The following RPSA2 variants were observed in gnomAD, a reference collection of about 807,000 sequenced individuals.
RPSA2 encodes the protein ribosomal protein SA 2.
At chr19:23,848,860 T>C in the RPSA2 span, among the ~76,000 whole-genome samples, 3 of 152,368 alleles carry the variant, frequency 2.0e-5, no homozygotes, top group East Asian at 5.8e-4. Context: ...TTGAATAGAT[T>C]GGTGTAATGC....
the RPSA2 span, among the ~76,000 whole-genome samples, chr19:23,870,435 A>G: frequency 6.6e-6 from 1 of 152,144 alleles, no homozygotes; most frequent in African/African-American, 2.4e-5. Context: ...ACCAACTTAG[A>G]ATATAACCAA....
chr19:23,801,667 A>G, the RPSA2 span, among the ~76,000 whole-genome samples: 1 of 152,196 alleles, frequency 6.6e-6, no homozygotes, highest in Admixed American at 6.5e-5. Context: ...TATAAGTTAA[A>G]CCAATAATAA....
At chr19:23,837,100 T>TTA in the RPSA2 span, among the ~76,000 whole-genome samples, 1 of 152,196 alleles carries the variant, frequency 6.6e-6, no homozygotes, top group Non-Finnish European at 1.5e-5. Flanking sequence ...CTTCCAGAGT[T>TTA]TTTATAGTTT....
At chr19:23,806,708 C>A in the RPSA2 span, among the ~76,000 whole-genome samples, 1 of 145,974 alleles carries the variant, frequency 6.9e-6, no homozygotes, top group Non-Finnish European at 1.5e-5. Context: ...TCACTTGAAC[C>A]TTGAAGGCAG....
chr19:23,855,549 G>T, the RPSA2 span, among the ~76,000 whole-genome samples: 3 of 152,292 alleles, frequency 2.0e-5, no homozygotes, highest in South Asian at 2.1e-4. Flanking sequence ...CATAATAAGC[G>T]TTGGGTGGAA....
chr19:23,786,433 T>G, the RPSA2 span, among the ~76,000 whole-genome samples: 1 of 152,160 alleles, frequency 6.6e-6, no homozygotes, highest in Non-Finnish European at 1.5e-5. Flanking sequence ...CCTCGGTGAT[T>G]TGACTCTTCT....
the RPSA2 span, among the ~76,000 whole-genome samples, chr19:23,810,250 C>G: frequency 6.6e-6 from 1 of 151,808 alleles, no homozygotes; most frequent in East Asian, 1.9e-4. Flanking sequence ...AAAAATTAGC[C>G]GGGCGTGGTG....
the RPSA2 span, among the ~76,000 whole-genome samples, chr19:23,830,666 G>C: frequency 6.7e-6 from 1 of 149,480 alleles, no homozygotes; most frequent in Non-Finnish European, 1.5e-5. Context: ...TTTTGTTCTT[G>C]TCCTCATTTT....
the RPSA2 span, chr19:23,823,892 C>G: frequency 1.3e-5 from 2 of 152,224 alleles, no homozygotes; most frequent in Non-Finnish European, 2.9e-5. Context: ...TCTCTCCTGG[C>G]TTGGGGTCTC....
At chr19:23,790,086 A>G in the RPSA2 span, among the ~76,000 whole-genome samples, 100 of 151,696 alleles carry the variant, frequency 6.6e-4, no homozygotes, top group African/African-American at 2.2e-3. Context: ...TGCAACCTCT[A>G]CCTCCCGGGT....
chr19:23,761,052 G>GTATATATA, the RPSA2 span, among the ~76,000 whole-genome samples: 289 of 148,044 alleles, frequency 2.0e-3, 1 homozygote, highest in African/African-American at 5.4e-3. Flanking sequence ...GTATATATGT[G>GTATATATA]TATATATATA....
chr19:23,870,031 G>A, the RPSA2 span, among the ~76,000 whole-genome samples: 23 of 152,112 alleles, frequency 1.5e-4, no homozygotes, highest in South Asian at 1.0e-3. Flanking sequence ...TTGATATTTG[G>A]GTCACATTCC....
the RPSA2 span, chr19:23,817,913 A>G: frequency 2.6e-5 from 4 of 152,322 alleles, no homozygotes; most frequent in East Asian, 7.7e-4. Context: ...CAGAACAGAG[A>G]AACTGGAGTT....
At chr19:23,779,291 C>T in the RPSA2 span, among the ~76,000 whole-genome samples, 148,685 of 152,028 alleles carry the variant, frequency 0.98, 72,799 homozygotes, top group Middle Eastern at 1. Flanking sequence ...TGAGCCACTG[C>T]GCCCGGCCAT....
chr19:23,803,404 A>AT, the RPSA2 span, among the ~76,000 whole-genome samples: 7,287 of 151,992 alleles, frequency 0.048, 326 homozygotes, highest in South Asian at 0.079. Context: ...AATTAAAAAA[A>AT]TTTTTTTTAA....
the RPSA2 span, among the ~76,000 whole-genome samples, chr19:23,817,193 C>G: frequency 2.0e-5 from 3 of 152,132 alleles, no homozygotes; most frequent in African/African-American, 7.2e-5. Flanking sequence ...ACCAGCCTGA[C>G]CAACATGGAG....
At chr19:23,835,101 A>G in the RPSA2 span, among the ~76,000 whole-genome samples, 3 of 152,128 alleles carry the variant, frequency 2.0e-5, no homozygotes, top group Non-Finnish European at 4.4e-5. Context: ...TTAATGTACA[A>G]TTAAATTGTT....
chr19:23,808,417 C>T, the RPSA2 span, among the ~76,000 whole-genome samples: 1 of 151,886 alleles, frequency 6.6e-6, no homozygotes, highest in Non-Finnish European at 1.5e-5. Flanking sequence ...CAGGCACCCG[C>T]CACCATGCCC....
the RPSA2 span, among the ~76,000 whole-genome samples, chr19:23,828,776 AC>A: frequency 2.0e-5 from 3 of 152,038 alleles, no homozygotes; most frequent in Admixed American, 6.6e-5. Context: ...ATTGTTTTAT[AC>A]TGCCTTTAAG....
Sources: gnomAD v4.1 joint callset for allele counts (sites outside exome capture counted in the v4.1 genomes callset) on GRCh38, gnomAD v4.1.1 for gene constraint, MANE v1.5 for transcripts, NCBI Gene and HGNC (gene_info 2026-07-23, HGNC 2026-07-21) for gene names.